Variants in TMEFF1 observed in about 807,000 individuals in gnomAD.
TMEFF1 encodes the protein transmembrane protein with EGF like and two follistatin like domains 1, also known as tomoregulin-1.
TMEFF1 carries 20 observed loss-of-function variants against 47.5 expected under a neutral mutation model. The observed-to-expected ratio is 0.42, with a 90% CI of 0.30 to 0.61. The LOEUF is 0.61. Ranked by LOEUF, TMEFF1 falls within the 20% of genes least tolerant of loss-of-function variation. The pLI, the probability that TMEFF1 is intolerant of heterozygous loss-of-function variation, is 0.19. For missense variants in TMEFF1, 411 were observed against 471.1 expected (o/e 0.87, Z 1.18); for synonymous variants, 162 against 166.3 (o/e 0.97, Z 0.20).
Position 100,524,040 on chromosome 9 carries a change from C to T in TMEFF1, c.560+7269C>T, listed in dbSNP as rs111783037. ...AAGGTCTCACTTCCACCCCTGTTCC[C>T]AGTCACTCAGTTGCCTTCACTAGAG... is the stretch of plus-strand genomic sequence containing the variant. On this transcript the variant is annotated intron_variant, in intron 5 of 9. Coordinates refer to ENST00000374879, the MANE Select transcript of TMEFF1 (RefSeq NM_003692.5). Among the ~76,000 whole-genome samples the T allele has an allele frequency of 6.3e-3, 965 of 152,134 alleles. 9 individuals carry two copies. Among genetic ancestry groups the T allele is most frequent in the African/African-American group, 0.021 (853 of 41,492 alleles).
At chr9:100,513,393 C>G (rs879194988) in intron 4 of TMEFF1, 60 bp downstream of exon 4, 35 of 1,233,864 alleles carry the variant, frequency 2.8e-5, no homozygotes, top group Non-Finnish European at 3.8e-5. Context: ...CTTTCTTTTT[C>G]TTTTTTTTTT....
At chr9:100,530,023 T>C (rs1290816557) in intron 5 of TMEFF1, among the ~76,000 whole-genome samples, 7 of 151,656 alleles carry the variant, frequency 4.6e-5, no homozygotes, top group African/African-American at 1.7e-4. Context: ...AAGGCAGAAA[T>C]AAAGATGTTC....
intron 7 of TMEFF1, among the ~76,000 whole-genome samples, chr9:100,551,150 T>A (rs7869547): frequency 8.5e-5 from 13 of 152,244 alleles, no homozygotes; most frequent in Non-Finnish European, 1.6e-4. Context: ...TTAAAAGATA[T>A]GTGATCTATC....
At chr9:100,539,191 C>A (rs529360424) in intron 5 of TMEFF1, among the ~76,000 whole-genome samples, 118 of 152,338 alleles carry the variant, frequency 7.7e-4, no homozygotes, top group Middle Eastern at 3.4e-3. Flanking sequence ...CAGGCATGAA[C>A]CTTTGAGCCT....
intron 5 of TMEFF1, among the ~76,000 whole-genome samples, chr9:100,534,589 T>C (rs1838468957): frequency 6.6e-6 from 1 of 152,202 alleles, no homozygotes; most frequent in Non-Finnish European, 1.5e-5. Context: ...ATTTTCCTCC[T>C]TCGCTCATTG....
rs542363472 is a variant in TMEFF1 at position 100,486,292 on chromosome 9, G to C, written c.197-12473G>C. On this transcript the variant is annotated intron_variant, in intron 1 of 9. Transcript: ENST00000374879. ...AGTTTTGCTCTTTTTGCCCAGGCTGGAGTGCAATGACGTGATCTCGGCTTA... is the reference window on the plus strand; with the variant it reads ...AGTTTTGCTCTTTTTGCCCAGGCTGCAGTGCAATGACGTGATCTCGGCTTA... Among the ~76,000 whole-genome samples the C allele has an allele frequency of 5.9e-5, 9 of 152,264 alleles. No homozygotes were observed. The East Asian group carries it at 1.7e-3, about 29-fold the overall frequency.
chr9:100,568,700 A>C (rs1213433760), intron 8 of TMEFF1, among the ~76,000 whole-genome samples: 1 of 152,078 alleles, frequency 6.6e-6, no homozygotes, highest in African/African-American at 2.4e-5. Flanking sequence ...AGGACACCTC[A>C]TACCCTTTAG....
chr9:100,560,077 A>C (rs143918700), intron 7 of TMEFF1, among the ~76,000 whole-genome samples: 1 of 152,024 alleles, frequency 6.6e-6, no homozygotes, highest in African/African-American at 2.4e-5. Context: ...TTCTCCATAC[A>C]CATACATATA....
chr9:100,506,650 C>T (rs1160281884), intron 2 of TMEFF1, among the ~76,000 whole-genome samples: 1 of 151,306 alleles, frequency 6.6e-6, no homozygotes, highest in Non-Finnish European at 1.5e-5. Context: ...GCCTGTAGTC[C>T]CAGCTACTCG....
intron 1 of TMEFF1, among the ~76,000 whole-genome samples, chr9:100,488,096 A>T (rs909778916): frequency 6.6e-6 from 1 of 152,192 alleles, no homozygotes; most frequent in African/African-American, 2.4e-5. Context: ...TCTTGTGTTT[A>T]GATTAATTAT....
In TMEFF1 at chr9:100,509,061, A is replaced by G. The variant is rs1837913949; in HGVS notation, c.363A>G (p.Glu121=). Residue 121 remains glutamate (E), a synonymous_variant, in exon 3 of 10, where the codon GAA becomes GAG. Transcript: ENST00000374879. ...CAAATGGGGACACTTATCAAAATGAATGCTTTCTCAGAAGGGCTGCTTGTA... is the reference window on the plus strand; with the variant it reads ...CAAATGGGGACACTTATCAAAATGAGTGCTTTCTCAGAAGGGCTGCTTGTA... ...CGSNGDTYQN[E]CFLRRAACKH... is the part of the protein sequence containing the mutation. 8 of 1,604,336 alleles carry G rather than the reference A, an allele frequency of 5.0e-6. No individual in the cohort carries two copies. The highest frequency in any genetic ancestry group is 6.8e-6 in the Non-Finnish European group (8 of 1,176,192).
rs940077094 is a variant in TMEFF1 at position 100,560,079 on chromosome 9, A to G, written c.776-1318A>G. Among the ~76,000 whole-genome samples, 5 of 152,036 alleles carry G rather than the reference A, an allele frequency of 3.3e-5. No individual in the cohort carries two copies. In the East Asian group the frequency reaches 7.7e-4, roughly 23 times the overall value. ...CTTCCTCTTGATCTTCTCCATACAC[A>G]TACATATAACTCACTATTTCATTCC... On this transcript the variant is annotated intron_variant, in intron 7 of 9. Transcript: ENST00000374879.
chr9:100,555,315 G>A (rs1012360712), intron 7 of TMEFF1, among the ~76,000 whole-genome samples: 1 of 152,174 alleles, frequency 6.6e-6, no homozygotes, highest in African/African-American at 2.4e-5. Flanking sequence ...CTTACTGTGT[G>A]CAGGTGACAT....
intron 1 of TMEFF1, among the ~76,000 whole-genome samples, chr9:100,476,096 T>C (rs1041811595): frequency 1.3e-5 from 2 of 152,158 alleles, no homozygotes; most frequent in African/African-American, 4.8e-5. Flanking sequence ...ATCACTGATA[T>C]AAATGTCAAT....
intron 5 of TMEFF1, among the ~76,000 whole-genome samples, chr9:100,529,638 T>C (rs1455765818): frequency 1.3e-5 from 2 of 152,118 alleles, no homozygotes; most frequent in African/African-American, 4.8e-5. Context: ...CACACATTAA[T>C]AATGGGAGAC....
intron 2 of TMEFF1, among the ~76,000 whole-genome samples, chr9:100,503,189 T>C (rs1164767944): frequency 1.3e-5 from 2 of 152,186 alleles, no homozygotes; most frequent in African/African-American, 4.8e-5. Context: ...AGAAGCTTTC[T>C]GGGACATTAT....
intron 5 of TMEFF1, among the ~76,000 whole-genome samples, chr9:100,545,363 C>T (rs1325221669): frequency 6.6e-6 from 1 of 152,224 alleles, no homozygotes; most frequent in Non-Finnish European, 1.5e-5. Context: ...CATGTGGAAG[C>T]TGCCAAGGCT....
At chr9:100,571,582 T>C (rs960320695) in intron 8 of TMEFF1, among the ~76,000 whole-genome samples, 7 of 151,698 alleles carry the variant, frequency 4.6e-5, no homozygotes, top group African/African-American at 7.3e-5. Context: ...ACATCAGTGG[T>C]CCCCAACCTT....
chr9:100,547,929 A>C (rs372442536), intron 6 of TMEFF1, 37 bp downstream of exon 6: 63 of 1,491,282 alleles, frequency 4.2e-5, no homozygotes, highest in Non-Finnish European at 1.9e-5. Flanking sequence ...ACCCATCTTT[A>C]TTATTGTATA....
Sources: gnomAD v4.1 joint callset for allele counts (sites outside exome capture counted in the v4.1 genomes callset) on GRCh38, gnomAD v4.1.1 for gene constraint, MANE v1.5 for transcripts, NCBI Gene and HGNC (gene_info 2026-07-23, HGNC 2026-07-21) for gene names.